The following SYT1 variants were observed in gnomAD, a reference collection of about 807,000 sequenced individuals.
SYT1 encodes the protein synaptotagmin 1, also known as synaptotagmin-1.
A neutral mutation model predicts 44.8 loss-of-function variants in SYT1; 8 were observed. That is an observed-to-expected ratio of 0.18 (90% CI 0.10 to 0.32). SYT1 has a LOEUF of 0.32. Ranked by LOEUF, SYT1 falls within the 10% of genes least tolerant of loss-of-function variation. SYT1 has a pLI of 1.00. For missense variants in SYT1, 286 were observed against 509.3 expected (o/e 0.56, Z 4.22); for synonymous variants, 154 against 188.8 (o/e 0.82, Z 1.51).
intron 3 of SYT1, among the ~76,000 whole-genome samples, chr12:79,155,313 C>T (rs1390380806): frequency 2.0e-5 from 3 of 152,164 alleles, no homozygotes. Context: ...TATAGAGGCT[C>T]TGTCTCTGAA....
Position 78,913,460 on chromosome 12 carries a change from C to T in SYT1, c.-217+48351C>T, listed in dbSNP as rs190571549. ...TTAAGGAACTTTATATATTTTTTCT[C>T]TAGATCTCATAATGATTTAAAATCC... is the stretch of plus-strand genomic sequence containing the variant. On this transcript the variant is annotated intron_variant, in intron 1 of 10. Transcript: ENST00000261205. Among the ~76,000 whole-genome samples the T allele has an allele frequency of 3.3e-5, 5 of 151,676 alleles. No individual in the cohort carries two copies. In the East Asian group the frequency reaches 9.7e-4, roughly 29 times the overall value.
intron 3 of SYT1, among the ~76,000 whole-genome samples, chr12:79,190,249 A>G (rs954160226): frequency 2.0e-5 from 3 of 152,190 alleles, no homozygotes; most frequent in African/African-American, 7.2e-5. Flanking sequence ...AAAGTCAAAG[A>G]GAGTTTTTGA....
chr12:79,005,044 A>G (rs763487189), intron 2 of SYT1, among the ~76,000 whole-genome samples: 6 of 152,012 alleles, frequency 3.9e-5, no homozygotes, highest in Non-Finnish European at 2.9e-5. Flanking sequence ...AAAGATGCTT[A>G]TTGTGTGGGC....
At chr12:79,343,522 T>C (rs1043076764) in intron 8 of SYT1, among the ~76,000 whole-genome samples, 1 of 152,200 alleles carries the variant, frequency 6.6e-6, no homozygotes, top group Non-Finnish European at 1.5e-5. Flanking sequence ...TGAGGCTTAG[T>C]AGGTAATAAG....
At chr12:79,266,856 C>T (rs1225238000) in intron 4 of SYT1, among the ~76,000 whole-genome samples, 26 of 152,082 alleles carry the variant, frequency 1.7e-4, no homozygotes, top group Admixed American at 1.6e-3. Flanking sequence ...AAAAATGTCC[C>T]GTGGATACTT....
At chr12:79,031,943 CTAAA>C (rs896848150) in intron 2 of SYT1, among the ~76,000 whole-genome samples, 2 of 151,048 alleles carry the variant, frequency 1.3e-5, no homozygotes, top group African/African-American at 4.8e-5. Context: ...TGTTATTAAT[CTAAA>C]TAAATAAATA....
intron 3 of SYT1, among the ~76,000 whole-genome samples, chr12:79,151,004 A>C (rs1870236894): frequency 1.3e-5 from 2 of 152,180 alleles, no homozygotes; most frequent in South Asian, 4.1e-4. Flanking sequence ...CGACTCCTCG[A>C]GATAAGAAAG....
chr12:79,338,294 T>G (rs1317608802), intron 8 of SYT1, among the ~76,000 whole-genome samples: 2 of 151,706 alleles, frequency 1.3e-5, no homozygotes, highest in Non-Finnish European at 2.9e-5. Context: ...TTTTCTTTTT[T>G]GAGACAGGAT....
intron 3 of SYT1, among the ~76,000 whole-genome samples, chr12:79,216,765 A>C (rs1874832509): frequency 6.6e-6 from 1 of 152,204 alleles, no homozygotes; most frequent in South Asian, 2.1e-4. Flanking sequence ...AAATAAGCTA[A>C]ATAAAGTAAA....
At chr12:79,314,100 C>T (rs1489761040) in intron 8 of SYT1, among the ~76,000 whole-genome samples, 5 of 133,014 alleles carry the variant, frequency 3.8e-5, no homozygotes, top group South Asian at 5.0e-4. Flanking sequence ...ACCCGGGAGG[C>T]GGAGCTTGCA....
intron 3 of SYT1, among the ~76,000 whole-genome samples, chr12:79,179,573 A>G (rs140906966): frequency 0.023 from 3,488 of 149,450 alleles, 97 homozygotes; most frequent in East Asian, 0.12. Flanking sequence ...AGATATATAG[A>G]TATGGATATA....
chr12:79,050,665 A>G (rs561137031), intron 3 of SYT1, among the ~76,000 whole-genome samples: 3 of 152,160 alleles, frequency 2.0e-5, no homozygotes, highest in Admixed American at 6.6e-5. Flanking sequence ...TATTAACAAC[A>G]CTGCTTTCCT....
At chr12:79,162,608 C>A in intron 3 of SYT1, among the ~76,000 whole-genome samples, 1 of 152,104 alleles carries the variant, frequency 6.6e-6, no homozygotes, top group East Asian at 1.9e-4. Flanking sequence ...CTAATGTAAC[C>A]TAGTATTGCA....
chr12:79,307,329 C>T (rs528315836), intron 8 of SYT1, among the ~76,000 whole-genome samples: 1 of 152,292 alleles, frequency 6.6e-6, no homozygotes, highest in African/African-American at 2.4e-5. Context: ...TGATTAAATT[C>T]TTGCCAATTA....
At chr12:78,912,943 T>C (rs1200127104) in intron 1 of SYT1, among the ~76,000 whole-genome samples, 1 of 151,888 alleles carries the variant, frequency 6.6e-6, no homozygotes. Flanking sequence ...TAGATTTATT[T>C]ACATAAGACT....
At chr12:79,140,242 A>G (rs540376644) in intron 3 of SYT1, among the ~76,000 whole-genome samples, 40 of 152,336 alleles carry the variant, frequency 2.6e-4, no homozygotes, top group African/African-American at 7.7e-4. Flanking sequence ...CTTCCATTAT[A>G]GAAGCATTTA....
chr12:79,113,846 C>A (rs1879142679), intron 3 of SYT1, among the ~76,000 whole-genome samples: 1 of 152,096 alleles, frequency 6.6e-6, no homozygotes, highest in Non-Finnish European at 1.5e-5. Flanking sequence ...TCAAATTTAA[C>A]CTAAGTGTTT....
chr12:79,302,443 T>C (rs550910501), intron 8 of SYT1, among the ~76,000 whole-genome samples: 55 of 152,286 alleles, frequency 3.6e-4, no homozygotes, highest in African/African-American at 1.3e-3. Flanking sequence ...GATGAAGTAA[T>C]TGTGTAACTT....
At chr12:79,227,947 G>T (rs114915412) in intron 4 of SYT1, among the ~76,000 whole-genome samples, 1 of 151,894 alleles carries the variant, frequency 6.6e-6, no homozygotes, top group Admixed American at 6.6e-5. Flanking sequence ...AAATACAAGT[G>T]CATTGCATTC....
Sources: gnomAD v4.1 joint callset for allele counts (sites outside exome capture counted in the v4.1 genomes callset) on GRCh38, gnomAD v4.1.1 for gene constraint, MANE v1.5 for transcripts, NCBI Gene and HGNC (gene_info 2026-07-23, HGNC 2026-07-21) for gene names.